SH3GL3: variants seen among roughly 807,000 people sequenced by gnomAD.
SH3GL3 encodes SH3 domain containing GRB2 like 3, endophilin A3.
A neutral mutation model predicts 47.7 loss-of-function variants in SH3GL3; 33 were observed. The observed-to-expected ratio is 0.69, with a 90% CI of 0.52 to 0.92. The LOEUF (loss-of-function observed/expected upper bound fraction) is 0.92. Among genes scored for constraint, SH3GL3 ranks in the 40% least tolerant of loss-of-function variants. The pLI is 0.00. For synonymous variants in SH3GL3, 155 were observed against 148.8 expected (o/e 1.04, Z -0.30); for missense variants, 363 against 417.8 (o/e 0.87, Z 1.14).
intron 2 of SH3GL3, among the ~76,000 whole-genome samples, chr15:83,562,077 A>G (rs1045967630): frequency 1.8e-4 from 22 of 123,952 alleles, no homozygotes; most frequent in South Asian, 1.0e-3. Flanking sequence ...ACACACACAC[A>G]CACACTATAG....
At chr15:83,621,678 C>T (rs751026283), downstream of SH3GL3, among the ~76,000 whole-genome samples, 12 of 152,108 alleles carry the variant, frequency 7.9e-5, no homozygotes, top group African/African-American at 9.7e-5. Flanking sequence ...AAACGGTTAC[C>T]GCAAACCTTC....
chr15:83,483,132 G>A (rs2151560934), intron 1 of SH3GL3, among the ~76,000 whole-genome samples: 1 of 152,244 alleles, frequency 6.6e-6, no homozygotes, highest in Non-Finnish European at 1.5e-5. Flanking sequence ...TTTCTCCTAT[G>A]CTCTTCAAAG....
chr15:83,629,424 A>G, the SH3GL3 span, among the ~76,000 whole-genome samples: 1 of 152,254 alleles, frequency 6.6e-6, no homozygotes, highest in South Asian at 2.1e-4. Context: ...TTTATTTCCA[A>G]CAAAGGTACT....
rs182327362 is a variant in SH3GL3, at chr15:83,539,133, T to A, written c.46-20120T>A. On this transcript the variant is annotated intron_variant, in intron 1 of 8. Coordinates refer to ENST00000427482, the MANE Select transcript of SH3GL3 (RefSeq NM_003027.5). Reference sequence around the variant, plus strand: ...ATTATAATTAGGTGAAAACATTTTCTTATGCTTATTGGCCATTTGGATTAT... The same window carrying A: ...ATTATAATTAGGTGAAAACATTTTCATATGCTTATTGGCCATTTGGATTAT... Among the ~76,000 whole-genome samples, 92 of 152,364 alleles carry A rather than the reference T, an allele frequency of 6.0e-4. 1 individual carries two copies. Among genetic ancestry groups the A allele is most frequent in the Non-Finnish European group, 1.1e-3 (76 of 68,042 alleles).
rs555325235 is a variant in SH3GL3, at chr15:83,570,096, A to G, written c.331+1424A>G. 7.2e-5 allele frequency among the ~76,000 whole-genome samples: 11 copies of G among 152,314 alleles called. No homozygotes were observed. In the East Asian group the frequency reaches 2.1e-3, roughly 29 times the overall value. ...AATCTTTTTCATCCCACTCCCTGGC[A>G]AATGATATAAACGTTTATTTATACT... is the stretch of plus-strand genomic sequence containing the variant. On this transcript the variant is annotated intron_variant, in intron 4 of 8. Transcript: ENST00000427482.
chr15:83,629,273 A>T, the SH3GL3 span, among the ~76,000 whole-genome samples: 1 of 152,216 alleles, frequency 6.6e-6, no homozygotes, highest in African/African-American at 2.4e-5. Context: ...GCCAAAACAA[A>T]GAGAAGAACA....
intron 1 of SH3GL3, among the ~76,000 whole-genome samples, chr15:83,505,719 G>C (rs2042473949): frequency 6.6e-6 from 1 of 152,008 alleles, no homozygotes; most frequent in South Asian, 2.1e-4. Flanking sequence ...GTGGAGACAT[G>C]GTTTCACTAA....
At chr15:83,548,363 TC>T (rs2151717215) in intron 1 of SH3GL3, among the ~76,000 whole-genome samples, 1 of 149,706 alleles carries the variant, frequency 6.7e-6, no homozygotes, top group South Asian at 2.1e-4. Flanking sequence ...TGTCTGTGTT[TC>T]CATTTATATA....
chr15:83,633,680 C>T, the SH3GL3 span, among the ~76,000 whole-genome samples: 1 of 152,224 alleles, frequency 6.6e-6, no homozygotes. Flanking sequence ...GCCGTTTCCT[C>T]TGTATGCCAT....
chr15:83,550,653 G>A (rs1163685903), intron 1 of SH3GL3, among the ~76,000 whole-genome samples: 1 of 152,286 alleles, frequency 6.6e-6, no homozygotes, highest in Admixed American at 6.5e-5. Flanking sequence ...GCCTTCCAAA[G>A]TGCTGAGATT....
At chr15:83,599,632 C>G (rs906531681) in intron 8 of SH3GL3, among the ~76,000 whole-genome samples, 1 of 152,168 alleles carries the variant, frequency 6.6e-6, no homozygotes, top group African/African-American at 2.4e-5. Context: ...TTTGCAATTG[C>G]AAATTTTGCT....
intron 8 of SH3GL3, among the ~76,000 whole-genome samples, chr15:83,609,781 C>T (rs2060616619): frequency 6.6e-6 from 1 of 152,154 alleles, no homozygotes; most frequent in Non-Finnish European, 1.5e-5. Context: ...ACCACTCTTT[C>T]CACCTTCACC....
downstream of SH3GL3, among the ~76,000 whole-genome samples, chr15:83,620,916 T>C (rs1269512977): frequency 6.6e-6 from 1 of 152,236 alleles, no homozygotes; most frequent in East Asian, 1.9e-4. Flanking sequence ...TAATCTTAGC[T>C]AGATCTTCTG....
chr15:83,581,689 A>T (rs1371209275), intron 6 of SH3GL3, among the ~76,000 whole-genome samples: 1 of 152,196 alleles, frequency 6.6e-6, no homozygotes, highest in Non-Finnish European at 1.5e-5. Flanking sequence ...AAGGAAGGGG[A>T]GGTAGAGAGA....
intron 1 of SH3GL3, among the ~76,000 whole-genome samples, chr15:83,538,125 G>A (rs375988136): frequency 9.2e-5 from 14 of 152,210 alleles, no homozygotes; most frequent in African/African-American, 2.9e-4. Flanking sequence ...TGGGATTTTT[G>A]TTCTCTTGAG....
chr15:83,592,189 T>C (rs1295450243), intron 8 of SH3GL3, among the ~76,000 whole-genome samples: 1 of 152,220 alleles, frequency 6.6e-6, no homozygotes, highest in East Asian at 1.9e-4. Context: ...ATTGATTTCC[T>C]GATATGGAAG....
chr15:83,479,331 A>G (rs976012741), intron 1 of SH3GL3, among the ~76,000 whole-genome samples: 11 of 149,472 alleles, frequency 7.4e-5, no homozygotes, highest in Non-Finnish European at 4.5e-5. Flanking sequence ...GAGCGTGTGC[A>G]TGTGTGTGTG....
intron 1 of SH3GL3, among the ~76,000 whole-genome samples, chr15:83,457,208 C>A (rs528389013): frequency 6.6e-6 from 1 of 152,310 alleles, no homozygotes; most frequent in African/African-American, 2.4e-5. Flanking sequence ...GGTCCTTGTT[C>A]TGCATCCCAT....
At chr15:83,612,858 TCTC>T (rs2060705815) in intron 8 of SH3GL3, among the ~76,000 whole-genome samples, 1 of 152,196 alleles carries the variant, frequency 6.6e-6, no homozygotes, top group African/African-American at 2.4e-5. Flanking sequence ...AGTTTCTCTC[TCTC>T]TCTCGCTCTT....
Sources: gnomAD v4.1 joint callset for allele counts (sites outside exome capture counted in the v4.1 genomes callset) on GRCh38, gnomAD v4.1.1 for gene constraint, MANE v1.5 for transcripts, NCBI Gene and HGNC (gene_info 2026-07-23, HGNC 2026-07-21) for gene names.